GRIP1: variants seen among roughly 807,000 people sequenced by gnomAD.
GRIP1 encodes the protein glutamate receptor-interacting protein 1.
Under a neutral mutation model 129.9 loss-of-function variants are expected in GRIP1, and 45 were observed. That is an observed-to-expected ratio of 0.35 (90% CI 0.27 to 0.44). The LOEUF (loss-of-function observed/expected upper bound fraction) is 0.44, where lower values mean the gene tolerates loss of function less well. Among genes scored for constraint, GRIP1 ranks in the 20% least tolerant of loss-of-function variants. The pLI, the probability that GRIP1 is intolerant of heterozygous loss-of-function variation, is 1.00. For missense variants in GRIP1, 1,196 were observed against 1,396.8 expected (o/e 0.86, Z 2.29); for synonymous variants, 530 against 520.8 (o/e 1.02, Z -0.24).
chr12:66,543,488 A>G (rs2061851578), intron 2 of GRIP1, among the ~76,000 whole-genome samples: 1 of 152,212 alleles, frequency 6.6e-6, no homozygotes, highest in African/African-American at 2.4e-5. Flanking sequence ...ATCATTTACC[A>G]GAAACATCTG....
At chr12:66,426,281 G>C (rs192825763) in intron 14 of GRIP1, among the ~76,000 whole-genome samples, 1 of 152,034 alleles carries the variant, frequency 6.6e-6, no homozygotes, top group Non-Finnish European at 1.5e-5. Context: ...TGGATGTTGT[G>C]TCATTTGTAC....
chr12:66,377,113 T>G, intron 21 of GRIP1, 52 bp from the exon 22 acceptor site: 1 of 1,578,196 alleles, frequency 6.3e-7, no homozygotes, highest in South Asian at 1.1e-5. Flanking sequence ...AATGCAAACT[T>G]AAAAGGACCA....
chr12:66,500,480 A>G (rs2060361462), intron 7 of GRIP1, among the ~76,000 whole-genome samples: 1 of 152,216 alleles, frequency 6.6e-6, no homozygotes, highest in Non-Finnish European at 1.5e-5. Context: ...TGTGGTCTTT[A>G]TTTTATAACT....
intron 1 of GRIP1, among the ~76,000 whole-genome samples, chr12:66,846,531 T>A (rs900833097): frequency 6.6e-6 from 1 of 152,186 alleles, no homozygotes; most frequent in Admixed American, 6.5e-5. Context: ...TACGATTATT[T>A]AGGTATGGCA....
chr12:66,740,246 C>A (rs2036746083), intron 1 of GRIP1, among the ~76,000 whole-genome samples: 1 of 152,116 alleles, frequency 6.6e-6, no homozygotes, highest in African/African-American at 2.4e-5. Context: ...CCTTCCTAGC[C>A]CCACTTTTAC....
At position 66,696,517 on chromosome 12, in the gene GRIP1, T is replaced by A. The variant is rs902550812; in HGVS notation, c.-419-66181A>T. Among the ~76,000 whole-genome samples the A allele has an allele frequency of 4.6e-5, 7 of 152,048 alleles. 1 individual carries two copies. Among genetic ancestry groups the A allele is most frequent in the Admixed American group, 2.0e-4 (3 of 15,258 alleles). On this transcript the variant is annotated intron_variant, in intron 1 of 4. Transcript: ENST00000538373. ...AGAATTATGGTTAGGCCAGGCGTGGTGGCTCTCGTCTGTAATCCCAGCACT... is the reference window on the plus strand; with the variant it reads ...AGAATTATGGTTAGGCCAGGCGTGGAGGCTCTCGTCTGTAATCCCAGCACT...
At chr12:66,806,799 ATT>A (rs60559989), upstream of GRIP1, among the ~76,000 whole-genome samples, 6 of 145,786 alleles carry the variant, frequency 4.1e-5, no homozygotes, top group Admixed American at 6.9e-5. Flanking sequence ...ATAAGCACCT[ATT>A]TTTTTTTTTT....
intron 1 of GRIP1, among the ~76,000 whole-genome samples, chr12:66,623,326 G>A (rs2065356124): frequency 6.6e-6 from 1 of 152,056 alleles, no homozygotes; most frequent in South Asian, 2.1e-4. Flanking sequence ...ACAATAACTT[G>A]ATAAGGCATT....
chr12:66,375,776 T>C (rs556311241), intron 22 of GRIP1, among the ~76,000 whole-genome samples: 2 of 152,256 alleles, frequency 1.3e-5, no homozygotes, highest in South Asian at 2.1e-4. Context: ...CAGAACCTGA[T>C]TGTATCACTT....
intron 1 of GRIP1, among the ~76,000 whole-genome samples, chr12:67,053,561 C>T (rs1427063433): frequency 2.6e-5 from 4 of 152,094 alleles, no homozygotes; most frequent in Non-Finnish European, 4.4e-5. Flanking sequence ...ATCCTTGGGC[C>T]GGGCGTGGTG....
exon 1 of GRIP1, chr12:67,069,058 T>C (rs1263847303): frequency 1.2e-5 from 11 of 921,318 alleles, no homozygotes; most frequent in Non-Finnish European, 1.3e-5. Context: ...ACCTCTCTCC[T>C]GCTCCTCTGC....
chr12:66,792,327 A>C (rs1322968359), intron 1 of GRIP1, among the ~76,000 whole-genome samples: 1 of 152,098 alleles, frequency 6.6e-6, no homozygotes, highest in Non-Finnish European at 1.5e-5. Flanking sequence ...TCCTGGGCTC[A>C]AGTGATCCTT....
chr12:66,621,814 T>G (rs1289284754), intron 1 of GRIP1, among the ~76,000 whole-genome samples: 1 of 152,158 alleles, frequency 6.6e-6, no homozygotes, highest in African/African-American at 2.4e-5. Flanking sequence ...TATCTTACTA[T>G]GGTTTTGATT....
chr12:66,624,927 T>G (rs545839790), intron 1 of GRIP1, among the ~76,000 whole-genome samples: 1 of 152,116 alleles, frequency 6.6e-6, no homozygotes, highest in Non-Finnish European at 1.5e-5. Context: ...GGTTTTGCCA[T>G]GTTTTAAAAC....
intron 1 of GRIP1, among the ~76,000 whole-genome samples, chr12:66,736,346 A>ATATTTTTTTT (rs2036597742): frequency 1.5e-5 from 1 of 67,004 alleles, no homozygotes; most frequent in Non-Finnish European, 2.7e-5. Flanking sequence ...TGCCTGGCTA[A>ATATTTTTTTT]TTTTTTTTTT....
At position 66,973,844 on chromosome 12, in the gene GRIP1, G is replaced by C. The variant is rs183958579; in HGVS notation, c.58+95206C>G. ...TCCAGGCATTAAAATTATATAAGAAGACCCTTCAGCATATTGAATATTGAA... is the reference window on the plus strand; with the variant it reads ...TCCAGGCATTAAAATTATATAAGAACACCCTTCAGCATATTGAATATTGAA... On this transcript the variant is annotated intron_variant, in intron 1 of 1. Transcript: ENST00000643019. Among the ~76,000 whole-genome samples, 841 of 151,050 alleles carry C rather than the reference G, an allele frequency of 5.6e-3. 3 individuals are homozygous for C. Among genetic ancestry groups the C allele is most frequent in the Non-Finnish European group, 9.9e-3 (670 of 67,852 alleles).
chr12:66,661,954 A>G (rs1296217282), intron 1 of GRIP1, among the ~76,000 whole-genome samples: 1 of 152,142 alleles, frequency 6.6e-6, no homozygotes, highest in African/African-American at 2.4e-5. Flanking sequence ...TATATAGAAC[A>G]AAGGTCTTTT....
intron 1 of GRIP1, among the ~76,000 whole-genome samples, chr12:66,791,826 C>T (rs1228395683): frequency 6.6e-6 from 1 of 152,084 alleles, no homozygotes; most frequent in African/African-American, 2.4e-5. Flanking sequence ...ATCCCTCATT[C>T]CCCTTACCCT....
chr12:66,510,000 T>C (rs928022157), intron 7 of GRIP1, among the ~76,000 whole-genome samples: 1 of 151,286 alleles, frequency 6.6e-6, no homozygotes, highest in African/African-American at 2.4e-5. Context: ...TATACTTTTA[T>C]GTTACTTTTC....
Sources: gnomAD v4.1 joint callset for allele counts (sites outside exome capture counted in the v4.1 genomes callset) on GRCh38, gnomAD v4.1.1 for gene constraint, MANE v1.5 for transcripts, NCBI Gene and HGNC (gene_info 2026-07-23, HGNC 2026-07-21) for gene names.